The following GLMN variants were observed in gnomAD, a reference collection of about 807,000 sequenced individuals.
GLMN encodes the protein glomulin.
Under a neutral mutation model 87.8 loss-of-function variants are expected in GLMN, and 75 were observed. The ratio of observed to expected loss-of-function variants is 0.85; its 90% confidence interval spans 0.71 to 1.04. The LOEUF is 1.04. Among genes scored for constraint, GLMN ranks in the 50% least tolerant of loss-of-function variants. The pLI is 0.00. For missense variants in GLMN, 588 were observed against 658.8 expected, an observed-to-expected ratio of 0.89 and a Z score of 1.18; for synonymous variants, 206 against 221.6, an observed-to-expected ratio of 0.93 and a Z score of 0.63.
intron 16 of GLMN, among the ~76,000 whole-genome samples, chr1:92,249,319 T>C (rs1653130498): frequency 6.6e-6 from 1 of 151,748 alleles, no homozygotes; most frequent in Non-Finnish European, 1.5e-5. Flanking sequence ...ATGGATGTTT[T>C]AGTTGTATAA....
intron 5 of GLMN, 81 bp downstream of exon 5, chr1:92,290,117 T>G (rs1649224175): frequency 1.2e-6 from 1 of 819,408 alleles, no homozygotes; most frequent in Admixed American, 1.7e-5. Flanking sequence ...TTTACTTTGG[T>G]GTAGTATTGA....
the GLMN span, chr1:92,323,612 A>G: frequency 6.2e-7 from 1 of 1,614,114 alleles, no homozygotes. Flanking sequence ...CTACCAGGAA[A>G]CAGACCAAAT....
chr1:92,262,818 G>T, intron 16 of GLMN, 45 bp downstream of exon 16: 1 of 805,746 alleles, frequency 1.2e-6, no homozygotes, highest in Non-Finnish European at 2.2e-6. Context: ...CATTCCTTAT[G>T]CCTTTTGAAT....
At chr1:92,300,266 T>C (rs760283229), upstream of GLMN, 28 of 1,556,824 alleles carry the variant, frequency 1.8e-5, no homozygotes, top group African/African-American at 1.9e-4. Context: ...GACAACTACA[T>C]TGGCATATCT....
At chr1:92,367,339 A>G in the GLMN span, among the ~76,000 whole-genome samples, 2 of 152,244 alleles carry the variant, frequency 1.3e-5, no homozygotes. Context: ...CATCTATCCC[A>G]GACGGCTTTT....
intron 16 of GLMN, among the ~76,000 whole-genome samples, chr1:92,250,883 C>G (rs1653390840): frequency 6.6e-6 from 1 of 152,058 alleles, no homozygotes; most frequent in African/African-American, 2.4e-5. Flanking sequence ...CTATACAATT[C>G]TGAGCTTTGA....
intron 8 of GLMN, among the ~76,000 whole-genome samples, chr1:92,270,277 G>A (rs1005834299): frequency 6.6e-6 from 1 of 152,220 alleles, no homozygotes; most frequent in Non-Finnish European, 1.5e-5. Context: ...TACATATGCT[G>A]TATAAGTTAT....
chr1:92,282,938 A>G (rs1330268793), intron 7 of GLMN, among the ~76,000 whole-genome samples: 1 of 152,222 alleles, frequency 6.6e-6, no homozygotes, highest in Non-Finnish European at 1.5e-5. Context: ...AAGAAGTTGA[A>G]TCTCTGAATA....
At chr1:92,250,097 G>C (rs1653261771) in intron 16 of GLMN, among the ~76,000 whole-genome samples, 1 of 151,226 alleles carries the variant, frequency 6.6e-6, no homozygotes, top group African/African-American at 2.4e-5. Flanking sequence ...ATGACTCTCT[G>C]TTACCCACTA....
Position 92,246,541 on chromosome 1 carries a change from C to A in GLMN, c.1774G>T (p.Gly592Trp), listed in dbSNP as rs773676802. The A allele has an allele frequency of 9.0e-6, 12 of 1,337,084 alleles. No individual in the cohort carries two copies. Among genetic ancestry groups the A allele is most frequent in the Non-Finnish European group, 1.1e-5 (10 of 927,858 alleles). The allele number at this position is 1,337,084 out of a possible 1,614,324, so 82.8% of individuals were successfully genotyped here. A position where few individuals can be genotyped will look rare whatever the true frequency, so the allele number is the denominator to read the frequency against. ...KTKSTSEENI[G>W]IK ...AGGAAATGGAACTTTCACTTTATCC[C>A]AATATTTTCTTCAGAGGTAGACTTT... Residue 592 changes from glycine to tryptophan, a missense_variant, in exon 19 of 19, where the codon GGG becomes TGG. By Grantham distance (184) the Gly-to-Trp change is radical. Transcript: ENST00000370360.
chr1:92,287,842 A>G (rs2096176335), intron 6 of GLMN, among the ~76,000 whole-genome samples: 1 of 152,118 alleles, frequency 6.6e-6, no homozygotes, highest in Admixed American at 6.6e-5. Flanking sequence ...TTACTGGTCC[A>G]TGTAATTAAT....
chr1:92,299,054 C>T (rs1370673783), upstream of GLMN: 10 of 1,433,208 alleles, frequency 7.0e-6, no homozygotes, highest in Non-Finnish European at 9.3e-6. Context: ...GTGTCCCCGT[C>T]CGGCAGACTA....
intron 16 of GLMN, chr1:92,248,227 C>A: frequency 5.3e-6 from 2 of 379,302 alleles, no homozygotes; most frequent in East Asian, 4.9e-5. Context: ...GTTTTGAGAT[C>A]TATTAACTTG....
At chr1:92,267,880 T>C (rs374098674) in intron 11 of GLMN, 33 bp downstream of exon 11, 2 of 995,972 alleles carry the variant, frequency 2.0e-6, no homozygotes, top group African/African-American at 3.2e-5. Flanking sequence ...GGCAAAGGGC[T>C]ATTTTCAATA....
intron 16 of GLMN, among the ~76,000 whole-genome samples, chr1:92,251,981 A>G (rs561377993): frequency 2.6e-4 from 39 of 152,084 alleles, no homozygotes; most frequent in African/African-American, 9.2e-4. Flanking sequence ...TAGTTTTAGT[A>G]GAGATGGGGT....
chr1:92,300,317 G>C (rs1165368757), upstream of GLMN: 1 of 1,164,014 alleles, frequency 8.6e-7, no homozygotes, highest in Non-Finnish European at 1.2e-6. Context: ...AAACAATAAT[G>C]GTTACCTTTT....
At chr1:92,304,209 A>G in the GLMN span, 3 of 1,170,618 alleles carry the variant, frequency 2.6e-6, no homozygotes, top group South Asian at 2.6e-5. Flanking sequence ...TGATATGTAG[A>G]TGACTTAATC....
chr1:92,287,000 A>G (rs1437731799), intron 6 of GLMN, among the ~76,000 whole-genome samples: 2 of 152,176 alleles, frequency 1.3e-5, no homozygotes, highest in African/African-American at 4.8e-5. Context: ...TATCAGCACA[A>G]ATGGATTAAG....
At chr1:92,346,975 C>T in the GLMN span, among the ~76,000 whole-genome samples, 2 of 152,176 alleles carry the variant, frequency 1.3e-5, no homozygotes, top group Non-Finnish European at 2.9e-5. Flanking sequence ...CTCATAGCCT[C>T]TCCAGCCCTG....
Sources: gnomAD v4.1 joint callset for allele counts (sites outside exome capture counted in the v4.1 genomes callset) on GRCh38, gnomAD v4.1.1 for gene constraint, MANE v1.5 for transcripts, NCBI Gene and HGNC (gene_info 2026-07-23, HGNC 2026-07-21) for gene names.